The following ETV7 variants were observed in gnomAD, a reference collection of about 807,000 sequenced individuals.
ETV7 encodes the protein transcription factor ETV7.
A neutral mutation model predicts 39.1 loss-of-function variants in ETV7; 43 were observed. The ratio of observed to expected loss-of-function variants is 1.10; its 90% CI spans 0.86 to 1.42. ETV7 has a LOEUF of 1.42. ETV7 is among the 40% of genes most tolerant of loss of function. The pLI is 0.00. For missense variants in ETV7, 432 were observed against 442.3 expected (o/e 0.98, Z 0.21); for synonymous variants, 196 against 176.6 (o/e 1.11, Z -0.87).
At chr6:36,376,778 GAA>G (rs60435053) in intron 2 of ETV7, among the ~76,000 whole-genome samples, 2,204 of 91,960 alleles carry the variant, frequency 0.024, 38 homozygotes, top group East Asian at 0.084. Context: ...TCCCTCTAAA[GAA>G]AAAAAAAAAA....
downstream of ETV7, among the ~76,000 whole-genome samples, chr6:36,363,514 T>G (rs1305092924): frequency 1.3e-5 from 2 of 151,886 alleles, no homozygotes; most frequent in Non-Finnish European, 2.9e-5. Context: ...GCTTCAGGAG[T>G]GAAGCTGCAG....
chr6:36,373,428 C>G, intron 4 of ETV7, 25 bp downstream of exon 4: 1 of 1,510,408 alleles, frequency 6.6e-7, no homozygotes, highest in Non-Finnish European at 8.8e-7. Flanking sequence ...GGAGGTACTC[C>G]GAGCACCACA....
chr6:36,376,129 C>T, intron 2 of ETV7, 94 bp from the exon 3 acceptor site: 1 of 1,197,360 alleles, frequency 8.4e-7, no homozygotes. Context: ...GCTCCCCTGT[C>T]CTGGCCCCCA....
At chr6:36,383,502 C>T (rs1773752152) in intron 2 of ETV7, among the ~76,000 whole-genome samples, 1 of 152,050 alleles carries the variant, frequency 6.6e-6, no homozygotes, top group African/African-American at 2.4e-5. Flanking sequence ...TCACTTCCTG[C>T]TGAGGCAAAT....
In ETV7 at chr6:36,375,943, C is replaced by T. The variant is rs142564424; in HGVS notation, c.235G>A (p.Gly79Arg). ...AGGGCGCGTCCGTTCATCTCGAACC[C>T]GTGCTCCGCGGTGCATGGCAGAGAG... ...EYSLPCTAEH[G>R]FEMNGRALCI... Residue 79 changes from glycine to arginine, a missense_variant, in exon 3 of 8, where the codon GGG becomes AGG. By Grantham distance (125) the Gly-to-Arg change is moderately radical. Coordinates refer to ENST00000340181, the MANE Select transcript of ETV7 (RefSeq NM_016135.4). 4.1e-3 allele frequency: 6,555 copies of T among 1,613,800 alleles called. 25 individuals carry two copies. Among genetic ancestry groups the T allele is most frequent in the Non-Finnish European group, 4.7e-3 (5,546 of 1,180,034 alleles).
At chr6:36,362,080 C>T (rs934955136), downstream of ETV7, among the ~76,000 whole-genome samples, 23 of 152,000 alleles carry the variant, frequency 1.5e-4, no homozygotes, top group Non-Finnish European at 1.6e-4. Flanking sequence ...AGGCGGATCA[C>T]GAGGTCAGGA....
chr6:36,371,614 A>G (rs949662705), intron 4 of ETV7, 54 bp from the exon 5 acceptor site: 5 of 1,431,780 alleles, frequency 3.5e-6, no homozygotes, highest in African/African-American at 1.4e-5. Context: ...AGCCTCCCCA[A>G]CTCAATCCCT....
chr6:36,363,392 G>A (rs1411337398), downstream of ETV7, among the ~76,000 whole-genome samples: 3 of 151,718 alleles, frequency 2.0e-5, no homozygotes, highest in Admixed American at 6.6e-5. Context: ...GTGGGCTCAT[G>A]GGCTCGCTGG....
At position 36,376,184 on chromosome 6, in the gene ETV7, A is replaced by C. The variant is rs1773334471; in HGVS notation, c.143-149T>G. 3 of 658,558 alleles carry C rather than the reference A, an allele frequency of 4.6e-6. No homozygotes were observed. The South Asian group carries it at 6.1e-5, about 13-fold the overall frequency. 40.8% of individuals were successfully genotyped at this position (658,558 alleles called of 1,614,324 possible). A position where few individuals can be genotyped will look rare whatever the true frequency, so the allele number is the denominator to read the frequency against. Reference sequence around the variant, plus strand: ...GCTGCCACCTGTTTCTTTCCTTCCTAGCATGTTACGTTCTTTGTAATTACA... The same window carrying C: ...GCTGCCACCTGTTTCTTTCCTTCCTCGCATGTTACGTTCTTTGTAATTACA... On this transcript the variant is annotated intron_variant, in intron 2 of 7. Transcript: ENST00000340181.
At chr6:36,361,300 C>T (rs1488146459), downstream of ETV7, among the ~76,000 whole-genome samples, 1 of 152,198 alleles carries the variant, frequency 6.6e-6, no homozygotes, top group African/African-American at 2.4e-5. Flanking sequence ...CACCGGCATT[C>T]AACAGGCTCC....
In ETV7 at chr6:36,387,420, A is replaced by G. The variant is rs112237400; in HGVS notation, c.6+116T>C. 1,915 of 1,414,090 alleles carry G rather than the reference A, an allele frequency of 1.4e-3. 17 individuals carry two copies. In the African/African-American group the frequency reaches 0.022, roughly 16 times the overall value. 87.6% of individuals were successfully genotyped at this position (1,414,090 alleles called of 1,614,324 possible). ...GTTTAGGAATGTGTTGGAAAGAGAG[A>G]TTCCCGCCAGGTAAAAGGTCTGATA... is the stretch of plus-strand genomic sequence containing the variant. On this transcript the variant is annotated intron_variant, in intron 1 of 7. Coordinates refer to ENST00000340181, the MANE Select transcript of ETV7 (RefSeq NM_016135.4).
chr6:36,387,057 T>C (rs557771912), intron 1 of ETV7: 77 of 250,762 alleles, frequency 3.1e-4, no homozygotes, highest in South Asian at 2.9e-3. Context: ...GTATGGGTCC[T>C]GGCGAGAGGG....
intron 6 of ETV7, 124 bp downstream of exon 6, chr6:36,368,805 T>A: frequency 7.7e-7 from 1 of 1,292,112 alleles, no homozygotes; most frequent in Non-Finnish European, 1.1e-6. Context: ...ATCCTGTCAC[T>A]TTTGGGGCTG....
downstream of ETV7, among the ~76,000 whole-genome samples, chr6:36,365,715 G>A (rs752566915): frequency 2.0e-5 from 3 of 152,138 alleles, no homozygotes; most frequent in Non-Finnish European, 4.4e-5. Context: ...ACAGTCAGAG[G>A]TGCTGAAAGA....
intron 3 of ETV7, among the ~76,000 whole-genome samples, chr6:36,375,331 G>A (rs1442013933): frequency 2.0e-5 from 3 of 152,066 alleles, no homozygotes; most frequent in Admixed American, 6.6e-5. Context: ...CCTGCTGCCC[G>A]CTACCACTGG....
At chr6:36,369,159 G>T in intron 5 of ETV7, 88 bp from the exon 6 acceptor site, 1 of 1,506,790 alleles carries the variant, frequency 6.6e-7, no homozygotes, top group Non-Finnish European at 9.1e-7. Context: ...GAAGCCTCCC[G>T]GCCAGAGCCC....
At chr6:36,371,817 C>CA (rs957552610) in intron 4 of ETV7, among the ~76,000 whole-genome samples, 51 of 152,338 alleles carry the variant, frequency 3.3e-4, no homozygotes, top group African/African-American at 1.1e-3. Flanking sequence ...GCTGCAAAGC[C>CA]AAGCAGTGAC....
At chr6:36,373,070 G>A (rs940559178) in intron 4 of ETV7, among the ~76,000 whole-genome samples, 1 of 151,906 alleles carries the variant, frequency 6.6e-6, no homozygotes, top group African/African-American at 2.4e-5. Context: ...GGGAAGGAAG[G>A]AGAGGTGACC....
chr6:36,371,718 A>C (rs1270853109), intron 4 of ETV7, among the ~76,000 whole-genome samples, 158 bp from the exon 5 acceptor site: 1 of 152,214 alleles, frequency 6.6e-6, no homozygotes, highest in African/African-American at 2.4e-5. Context: ...AGTGGGGGGC[A>C]GTGGGTGAGG....
Sources: gnomAD v4.1 joint callset for allele counts (sites outside exome capture counted in the v4.1 genomes callset) on GRCh38, gnomAD v4.1.1 for gene constraint, MANE v1.5 for transcripts, NCBI Gene and HGNC (gene_info 2026-07-23, HGNC 2026-07-21) for gene names.